The following CNBD1 variants were observed in gnomAD, a reference collection of about 807,000 sequenced individuals.
CNBD1 encodes the protein cyclic nucleotide binding domain containing 1, also known as cyclic nucleotide-binding domain-containing protein 1.
A neutral mutation model predicts 54.4 loss-of-function variants in CNBD1; 71 were observed. The observed-to-expected ratio is 1.30, with a 90% CI of 1.08 to 1.59. CNBD1 has a LOEUF of 1.59. Among genes scored for constraint, CNBD1 ranks in the 40% most tolerant of loss-of-function variants. CNBD1 has a pLI of 0.00. For synonymous variants in CNBD1, 182 were observed against 170.7 expected (o/e 1.07, Z -0.51); for missense variants, 659 against 518.0 (o/e 1.27, Z -2.64).
intron 2 of CNBD1, among the ~76,000 whole-genome samples, chr8:86,893,794 G>A (rs977963806): frequency 6.6e-6 from 1 of 151,968 alleles, no homozygotes; most frequent in Non-Finnish European, 1.5e-5. Context: ...AATCTTGCAG[G>A]CATGTTTTGT....
intron 8 of CNBD1, among the ~76,000 whole-genome samples, chr8:87,302,874 C>T (rs1563544031): frequency 6.6e-6 from 1 of 152,088 alleles, no homozygotes; most frequent in Non-Finnish European, 1.5e-5. Context: ...CATGAGTAAA[C>T]TCCCAATCAC....
chr8:86,967,789 G>T (rs73689974), intron 4 of CNBD1, among the ~76,000 whole-genome samples: 2 of 149,146 alleles, frequency 1.3e-5, no homozygotes, highest in Admixed American at 6.6e-5. Context: ...CTCTGAATCC[G>T]TTGCTTGTTC....
At chr8:86,937,065 A>G (rs1353331878) in intron 3 of CNBD1, among the ~76,000 whole-genome samples, 2 of 152,206 alleles carry the variant, frequency 1.3e-5, no homozygotes. Flanking sequence ...TGAGTAATTT[A>G]TAAAGGAAAG....
intron 3 of CNBD1, among the ~76,000 whole-genome samples, chr8:86,939,261 T>C (rs1272972035): frequency 1.3e-5 from 2 of 152,150 alleles, no homozygotes; most frequent in Non-Finnish European, 2.9e-5. Flanking sequence ...TGAGTATAAA[T>C]GATGTTAGCC....
At position 87,416,666 on chromosome 8, in the gene CNBD1, G is replaced by C. The variant is rs561529754; in HGVS notation, c.214-11880G>C. On this transcript the variant is annotated intron_variant, in intron 2 of 7. Coordinates refer to the CNBD1 transcript ENST00000521593. ...GTTGTTATATGACTCAGTCCACCCA[G>C]TACAAAGCCTTTTTCCCAGGGGTGT... is the stretch of plus-strand genomic sequence containing the variant. Among the ~76,000 whole-genome samples, 4 of 152,124 alleles carry C rather than the reference G, an allele frequency of 2.6e-5. No individual in the cohort carries two copies. In the East Asian group the frequency reaches 7.7e-4, roughly 29 times the overall value.
Position 87,166,278 on chromosome 8 carries a change from C to G in CNBD1, c.432-39715C>G, listed in dbSNP as rs1457855395. Among the ~76,000 whole-genome samples the G allele has an allele frequency of 6.6e-6, 1 of 151,854 alleles. No homozygotes were observed. Among genetic ancestry groups the G allele is most frequent in the Non-Finnish European group, 1.5e-5 (1 of 67,912 alleles). ...ACTGTATCAGTAAGTCTTTTCAGGTCCATCTCCAATATATATCTTGGATCT... is the reference window on the plus strand; with the variant it reads ...ACTGTATCAGTAAGTCTTTTCAGGTGCATCTCCAATATATATCTTGGATCT... On this transcript the variant is annotated intron_variant, in intron 4 of 10. Coordinates refer to ENST00000518476, the MANE Select transcript of CNBD1 (RefSeq NM_173538.3). This position sits in a 1 kb window ranked among gnomAD's most constrained non-coding sequence, Gnocchi z 4.3.
intron 10 of CNBD1, among the ~76,000 whole-genome samples, chr8:87,373,125 T>G (rs912487131): frequency 1.3e-5 from 2 of 151,810 alleles, no homozygotes; most frequent in African/African-American, 2.4e-5. Flanking sequence ...GTTTACATAT[T>G]TTTAAATTGG....
chr8:87,053,760 G>A (rs780163685), intron 4 of CNBD1, among the ~76,000 whole-genome samples: 1 of 152,154 alleles, frequency 6.6e-6, no homozygotes, highest in Non-Finnish European at 1.5e-5. Flanking sequence ...ATGGATCCTG[G>A]GAAAAAACTG....
At chr8:86,963,413 C>T (rs375965608) in intron 4 of CNBD1, among the ~76,000 whole-genome samples, 1 of 152,192 alleles carries the variant, frequency 6.6e-6, no homozygotes, top group East Asian at 1.9e-4. Context: ...GTCTATTGTT[C>T]CATTCCAGGG....
intron 6 of CNBD1, among the ~76,000 whole-genome samples, chr8:87,271,331 A>G (rs564886291): frequency 1.3e-5 from 2 of 151,462 alleles, no homozygotes; most frequent in South Asian, 4.2e-4. Context: ...CTCCATGTGC[A>G]TCATTATGTT....
At chr8:87,122,005 G>A (rs937097496) in intron 4 of CNBD1, among the ~76,000 whole-genome samples, 5 of 151,412 alleles carry the variant, frequency 3.3e-5, no homozygotes, top group Non-Finnish European at 7.4e-5. Context: ...CTTGGCTGTT[G>A]TGAATCATTT....
intron 4 of CNBD1, among the ~76,000 whole-genome samples, chr8:87,189,614 A>G (rs919225946): frequency 1.1e-4 from 17 of 152,314 alleles, no homozygotes; most frequent in African/African-American, 4.1e-4. Context: ...AAGCTTGAAA[A>G]GAAGAGTTAA....
chr8:87,415,790 A>G (rs1212599341), intron 2 of CNBD1, among the ~76,000 whole-genome samples: 2 of 152,012 alleles, frequency 1.3e-5, no homozygotes, highest in Non-Finnish European at 2.9e-5. Flanking sequence ...AAAAAGCTAT[A>G]TAAATTATCA....
At chr8:87,216,677 T>C (rs1429303595) in intron 5 of CNBD1, among the ~76,000 whole-genome samples, 1 of 151,982 alleles carries the variant, frequency 6.6e-6, no homozygotes, top group African/African-American at 2.4e-5. Flanking sequence ...ATCTTACTAG[T>C]TCTACACCAG....
intron 4 of CNBD1, among the ~76,000 whole-genome samples, chr8:87,005,856 G>C (rs1217406669): frequency 6.6e-6 from 1 of 152,018 alleles, no homozygotes; most frequent in Non-Finnish European, 1.5e-5. Context: ...GGGAGATGGG[G>C]TGCTCTATCT....
At chr8:87,149,331 T>C (rs1812553596) in intron 4 of CNBD1, among the ~76,000 whole-genome samples, 1 of 152,212 alleles carries the variant, frequency 6.6e-6, no homozygotes, top group South Asian at 2.1e-4. Flanking sequence ...GCAAGAATTT[T>C]TTGAAATGGC....
intron 2 of CNBD1, among the ~76,000 whole-genome samples, chr8:87,395,890 AG>A (rs1811401046): frequency 6.6e-6 from 1 of 151,872 alleles, no homozygotes; most frequent in African/African-American, 2.4e-5. Flanking sequence ...TCATTTTATA[AG>A]GGGCTTTTCT....
chr8:87,329,427 A>G (rs1040191400), intron 8 of CNBD1, among the ~76,000 whole-genome samples: 1 of 152,078 alleles, frequency 6.6e-6, no homozygotes, highest in Non-Finnish European at 1.5e-5. Flanking sequence ...TAGTTTGTCA[A>G]TGTCTGCAAG....
At chr8:87,374,310 T>A (rs1313777134) in intron 10 of CNBD1, among the ~76,000 whole-genome samples, 5 of 151,848 alleles carry the variant, frequency 3.3e-5, no homozygotes, top group Non-Finnish European at 7.4e-5. Flanking sequence ...ATTTTGATTT[T>A]CACTCAATTT....
Sources: gnomAD v4.1 joint callset for allele counts (sites outside exome capture counted in the v4.1 genomes callset) on GRCh38, gnomAD v4.1.1 for gene constraint, Gnocchi (gnomAD v3.1) non-coding constraint, MANE v1.5 for transcripts, NCBI Gene and HGNC (gene_info 2026-07-23, HGNC 2026-07-21) for gene names.